SV2B: variants seen among roughly 807,000 people sequenced by gnomAD.
SV2B encodes solute carrier family 22 member B2.
In SV2B, 41 loss-of-function variants were observed where a neutral mutation model predicts 73.9. The ratio of observed to expected loss-of-function variants is 0.56; its 90% CI spans 0.43 to 0.72. The LOEUF is 0.72. Among genes scored for constraint, SV2B ranks in the 30% least tolerant of loss-of-function variants. The probability of loss-of-function intolerance (pLI) is 0.00; values close to 1 mark genes in which losing one functional copy is unlikely to be tolerated. For synonymous variants in SV2B, 314 were observed against 314.2 expected, an observed-to-expected ratio of 1.00 and a Z score of 0.01; for missense variants, 764 against 857.8, an observed-to-expected ratio of 0.89 and a Z score of 1.37.
chr15:91,271,249 A>G (rs774916601), intron 9 of SV2B, among the ~76,000 whole-genome samples: 14 of 151,904 alleles, frequency 9.2e-5, no homozygotes, highest in Admixed American at 7.2e-4. Context: ...GGGTGACACC[A>G]TTCCCTGCAG....
intron 1 of SV2B, among the ~76,000 whole-genome samples, chr15:91,127,668 T>C (rs146233917): frequency 0.015 from 2,258 of 152,096 alleles, 52 homozygotes; most frequent in African/African-American, 0.051. Context: ...AGAAGGTGTT[T>C]GTGTGTGCAG....
At position 91,128,624 on chromosome 15, in the gene SV2B, C is replaced by G. The variant is rs184150356; in HGVS notation, c.-392+28261C>G. Reference sequence around the variant, plus strand: ...AACCAGAATACTTTTTCCCCAAAGCCAGCCATAAAACCTAAAAATACTACT... The same window carrying G: ...AACCAGAATACTTTTTCCCCAAAGCGAGCCATAAAACCTAAAAATACTACT... On this transcript the variant is annotated intron_variant, in intron 1 of 12. Transcript: ENST00000394232. The surrounding 1 kb of genome is among the most constrained non-coding windows in gnomAD (Gnocchi z 4.2). 6.6e-6 allele frequency: 1 copy of G among 152,198 alleles called. No individual in the cohort carries two copies. The highest frequency in any genetic ancestry group is 6.5e-5 in the Admixed American group (1 of 15,280). 9.4% of individuals were successfully genotyped at this position (152,198 alleles called of 1,614,324 possible). A position where few individuals can be genotyped will look rare whatever the true frequency, so the allele number is the denominator to read the frequency against.
At chr15:91,254,080 C>T (rs185578179) in intron 4 of SV2B, among the ~76,000 whole-genome samples, 1 of 152,310 alleles carries the variant, frequency 6.6e-6, no homozygotes, top group Non-Finnish European at 1.5e-5. Context: ...CAAATGCACA[C>T]TTTAATTGCC....
chr15:91,107,671 G>A (rs577607765), intron 1 of SV2B, among the ~76,000 whole-genome samples: 5 of 151,726 alleles, frequency 3.3e-5, no homozygotes, highest in South Asian at 2.1e-4. Context: ...GTGCAGTGGC[G>A]TGAACTCAGC....
At chr15:91,278,195 G>A (rs112737765) in intron 9 of SV2B, among the ~76,000 whole-genome samples, 260 of 152,268 alleles carry the variant, frequency 1.7e-3, no homozygotes, top group African/African-American at 6.1e-3. Flanking sequence ...AGTACGCCCC[G>A]TTTATGGAAC....
rs1451200377 is a variant in SV2B at position 91,253,324 on chromosome 15, G to T, written c.784+804G>T. On this transcript the variant is annotated intron_variant, in intron 4 of 12. Coordinates refer to ENST00000394232, the MANE Select transcript of SV2B (RefSeq NM_001323032.3). The surrounding 1 kb of genome is among the most constrained non-coding windows in gnomAD (Gnocchi z 5.0). ...GTTTAGAATCCTCAGACCCCGAGGG[G>T]GTAGCAGACAGCTGCCCCTGAAGCT... Among the ~76,000 whole-genome samples, 1 of 152,144 alleles carries T rather than the reference G, an allele frequency of 6.6e-6. No individual in the cohort carries two copies. The highest frequency in any genetic ancestry group is 1.5e-5 in the Non-Finnish European group (1 of 68,040).
intron 1 of SV2B, among the ~76,000 whole-genome samples, chr15:91,164,190 A>T (rs1034322814): frequency 4.6e-5 from 7 of 152,202 alleles, no homozygotes; most frequent in African/African-American, 1.7e-4. Flanking sequence ...TAATTTATAG[A>T]TTCAATGCCA....
At position 91,232,878 on chromosome 15, in the gene SV2B, T is replaced by C. The variant is rs1172903099; in HGVS notation, c.451+6164T>C. 6.6e-6 allele frequency among the ~76,000 whole-genome samples: 1 copy of C among 152,146 alleles called. No individual in the cohort carries two copies. Among genetic ancestry groups the C allele is most frequent in the Admixed American group, 6.5e-5 (1 of 15,274 alleles). Reference sequence around the variant, plus strand: ...TTCAGTCCTTTCGCCTCTCCAGTAGTCCCCAGTGTCTATTATTCCCATCTG... The same window carrying C: ...TTCAGTCCTTTCGCCTCTCCAGTAGCCCCCAGTGTCTATTATTCCCATCTG... On this transcript the variant is annotated intron_variant, in intron 2 of 12. Transcript: ENST00000394232. The surrounding 1 kb of genome is among the most constrained non-coding windows in gnomAD (Gnocchi z 4.7).
chr15:91,245,112 GC>G lies in SV2B; in HGVS notation c.452-6705del. ...GTCTGATGGTACATCTTATCCTGCT[GC>G]CTCTGGTGTGGAGAGGAAATCTTCT... On this transcript the variant is annotated intron_variant, in intron 2 of 12. Coordinates refer to ENST00000394232, the MANE Select transcript of SV2B (RefSeq NM_001323032.3). The surrounding 1 kb of genome is among the most constrained non-coding windows in gnomAD (Gnocchi z 4.2). Among the ~76,000 whole-genome samples, 1 of 152,330 alleles carries G rather than the reference GC, an allele frequency of 6.6e-6. No individual in the cohort carries two copies. Among genetic ancestry groups the G allele is most frequent in the East Asian group, 1.9e-4 (1 of 5,180 alleles).
rs1336099857 is a variant in SV2B, at chr15:91,239,999, T to G, written c.452-11820T>G. Among the ~76,000 whole-genome samples the G allele has an allele frequency of 2.0e-5, 3 of 152,222 alleles. No homozygotes were observed. Among genetic ancestry groups the G allele is most frequent in the Non-Finnish European group, 4.4e-5 (3 of 68,044 alleles). ...AAGAAGAATTGGATGAAGAGGACCT[T>G]GTTGAATGAACTATGATTGATCCCT... On this transcript the variant is annotated intron_variant, in intron 2 of 12. Transcript: ENST00000394232. This position sits in a 1 kb window ranked among gnomAD's most constrained non-coding sequence, Gnocchi z 5.1.
At chr15:91,111,984 A>G (rs932755472) in intron 1 of SV2B, among the ~76,000 whole-genome samples, 5 of 152,232 alleles carry the variant, frequency 3.3e-5, no homozygotes, top group East Asian at 1.9e-4. Context: ...ATGTACCCCC[A>G]TGATCCTATT....
intron 1 of SV2B, among the ~76,000 whole-genome samples, chr15:91,175,395 C>T (rs974082102): frequency 9.2e-5 from 14 of 152,188 alleles, no homozygotes; most frequent in Admixed American, 2.0e-4. Flanking sequence ...GCTGGGACTA[C>T]AGGCATGTGC....
chr15:91,105,134 A>G lies in SV2B; in HGVS notation c.-392+4771A>G, dbSNP rs535727093. ...GTGGTCTCTATGTGCCAGGCATGTT[A>G]TAGGAAGTAGACCCATCTCATGAAG... On this transcript the variant is annotated intron_variant, in intron 1 of 12. Transcript: ENST00000394232. This position sits in a 1 kb window ranked among gnomAD's most constrained non-coding sequence, Gnocchi z 5.5. Among the ~76,000 whole-genome samples the G allele has an allele frequency of 2.6e-5, 4 of 152,330 alleles. No individual in the cohort carries two copies. In the South Asian group the frequency reaches 8.3e-4, roughly 32 times the overall value.
intron 1 of SV2B, among the ~76,000 whole-genome samples, chr15:91,222,801 G>A (rs2046260120): frequency 1.3e-5 from 2 of 152,132 alleles, no homozygotes; most frequent in South Asian, 4.1e-4. Context: ...GAACAATCTT[G>A]TTTTACCATT....
chr15:91,231,654 A>G lies in SV2B; in HGVS notation c.451+4940A>G, dbSNP rs750281872. On this transcript the variant is annotated intron_variant, in intron 2 of 12. Transcript: ENST00000394232. This position sits in a 1 kb window ranked among gnomAD's most constrained non-coding sequence, Gnocchi z 4.5. The stretch of plus-strand genomic sequence containing the variant: ...TTCACAACTGCAAATAAGCACCTCA[A>G]CCTGGAACTGTGGGCTATTCCCTAC... Among the ~76,000 whole-genome samples, 1 of 152,112 alleles carries G rather than the reference A, an allele frequency of 6.6e-6. No individual in the cohort carries two copies. The highest frequency in any genetic ancestry group is 2.1e-4 in the South Asian group (1 of 4,826).
At chr15:91,111,090 T>C (rs1172447477) in intron 1 of SV2B, among the ~76,000 whole-genome samples, 1 of 152,072 alleles carries the variant, frequency 6.6e-6, no homozygotes, top group South Asian at 2.1e-4. Flanking sequence ...AAAGCTGTGC[T>C]GGGCTCCCAC....
chr15:91,225,305 C>T (rs568464128), intron 1 of SV2B, among the ~76,000 whole-genome samples: 55 of 144,362 alleles, frequency 3.8e-4, no homozygotes, highest in African/African-American at 1.5e-3. Flanking sequence ...AAAATGTTTC[C>T]GGCTATTTTT....
intron 1 of SV2B, among the ~76,000 whole-genome samples, chr15:91,184,433 G>A (rs1230460651): frequency 6.6e-6 from 1 of 152,170 alleles, no homozygotes; most frequent in African/African-American, 2.4e-5. Flanking sequence ...GTCAGATTTT[G>A]TGAGATTTGA....
At chr15:91,194,322 G>A (rs1567333130) in intron 1 of SV2B, among the ~76,000 whole-genome samples, 2 of 152,108 alleles carry the variant, frequency 1.3e-5, no homozygotes, top group African/African-American at 2.4e-5. Flanking sequence ...GCCTGCTCAT[G>A]CCTCTGGACC....
Sources: gnomAD v4.1 joint callset for allele counts (sites outside exome capture counted in the v4.1 genomes callset) on GRCh38, gnomAD v4.1.1 for gene constraint, Gnocchi (gnomAD v3.1) non-coding constraint, MANE v1.5 for transcripts, NCBI Gene and HGNC (gene_info 2026-07-23, HGNC 2026-07-21) for gene names.